MBD5: variants seen among roughly 807,000 people sequenced by gnomAD.
MBD5 encodes the protein methyl-CpG-binding domain protein 5.
In MBD5, 13 loss-of-function variants were observed where a neutral mutation model predicts 117.3. The observed-to-expected ratio is 0.11, with a 90% CI of 0.07 to 0.18. MBD5 has a LOEUF of 0.18. MBD5 is among the 10% of genes least tolerant of loss of function. MBD5 has a pLI of 1.00. For missense variants in MBD5, 1,879 were observed against 2,093.8 expected (o/e 0.90, Z 2.00); for synonymous variants, 727 against 766.4 (o/e 0.95, Z 0.85).
intron 2 of MBD5, among the ~76,000 whole-genome samples, chr2:148,226,042 C>G (rs970263109): frequency 7.2e-5 from 11 of 151,880 alleles, no homozygotes; most frequent in African/African-American, 2.4e-4. Flanking sequence ...AAACTTTCTG[C>G]CTCTATCTCT....
At position 148,502,436 on chromosome 2, in the gene MBD5, G is replaced by A. The variant is rs957554797; in HGVS notation, c.4963G>A (p.Val1655Met). 8 of 1,613,948 alleles carry A rather than the reference G, an allele frequency of 5.0e-6. No individual in the cohort carries two copies. The highest frequency in any genetic ancestry group is 6.8e-6 in the Non-Finnish European group (8 of 1,179,966). The part of the protein sequence containing the change: ...SCQQSPEEGK[V>M]EPEKLKTLTE... Reference sequence around the variant, plus strand: ...GTTTGGTCTTCATACCTTCACTCAGGTGGAGCCCGAGAAGTTGAAGACACT... The same window carrying A: ...GTTTGGTCTTCATACCTTCACTCAGATGGAGCCCGAGAAGTTGAAGACACT... The change falls in exon 12 of 14, where the codon GTG becomes ATG. Residue 1655 changes from valine to methionine, a missense_variant and splice_region_variant. Coordinates refer to ENST00000642680, the MANE Select transcript of MBD5 (RefSeq NM_001378120.1).
At chr2:148,119,373 TGA>T (rs1696712244) in intron 1 of MBD5, among the ~76,000 whole-genome samples, 1 of 152,192 alleles carries the variant, frequency 6.6e-6, no homozygotes, top group African/African-American at 2.4e-5. Flanking sequence ...TTTTTATTAC[TGA>T]GTTTTAAGTG....
In MBD5 at chr2:148,043,780, A is replaced by G. The variant is rs558177863; in HGVS notation, c.-925+22096A>G. Reference sequence around the variant, plus strand: ...AGGAAATAAGTCATTAGAAATACATATTTTAGATCCTGGGTCTGTCAGTAC... The same window carrying G: ...AGGAAATAAGTCATTAGAAATACATGTTTTAGATCCTGGGTCTGTCAGTAC... On this transcript the variant is annotated intron_variant, in intron 1 of 13. Coordinates refer to ENST00000642680, the MANE Select transcript of MBD5 (RefSeq NM_001378120.1). Among the ~76,000 whole-genome samples, 11 of 152,324 alleles carry G rather than the reference A, an allele frequency of 7.2e-5. 1 individual carries two copies. The South Asian group carries it at 2.3e-3, about 32-fold the overall frequency.
At chr2:148,191,010 A>T (rs1698812738) in intron 2 of MBD5, among the ~76,000 whole-genome samples, 1 of 150,184 alleles carries the variant, frequency 6.7e-6, no homozygotes, top group African/African-American at 2.5e-5. Flanking sequence ...AAGACAAAGA[A>T]GGCCATTACA....
intron 1 of MBD5, among the ~76,000 whole-genome samples, chr2:148,038,470 G>T (rs1324380389): frequency 7.1e-6 from 1 of 140,432 alleles, no homozygotes. Flanking sequence ...AAAGAAGGTT[G>T]TTTTCTTTAA....
intron 4 of MBD5, among the ~76,000 whole-genome samples, chr2:148,434,295 C>T (rs1220770264): frequency 6.6e-6 from 1 of 151,954 alleles, no homozygotes; most frequent in Non-Finnish European, 1.5e-5. Flanking sequence ...ACTGTTCTAC[C>T]TATCCTATTA....
intron 3 of MBD5, among the ~76,000 whole-genome samples, chr2:148,297,099 G>A (rs1375473352): frequency 6.6e-6 from 1 of 151,756 alleles, no homozygotes; most frequent in African/African-American, 2.4e-5. Flanking sequence ...TGGCCAGGCT[G>A]GTCTGGAACT....
chr2:148,116,970 C>G (rs1696654823), intron 1 of MBD5, among the ~76,000 whole-genome samples: 1 of 152,082 alleles, frequency 6.6e-6, no homozygotes, highest in Non-Finnish European at 1.5e-5. Flanking sequence ...AAGTTCATTC[C>G]TTTTCTATAC....
intron 1 of MBD5, among the ~76,000 whole-genome samples, chr2:148,032,616 C>G (rs1368390731): frequency 6.6e-6 from 1 of 152,000 alleles, no homozygotes; most frequent in African/African-American, 2.4e-5. Context: ...TATGTAGGAG[C>G]CAAACTGCAG....
At chr2:148,258,272 AACAC>A in intron 3 of MBD5, among the ~76,000 whole-genome samples, 1 of 152,310 alleles carries the variant, frequency 6.6e-6, no homozygotes, top group African/African-American at 2.4e-5. Flanking sequence ...GTATGGGAGA[AACAC>A]ACACAGTATA....
At chr2:148,111,820 A>G (rs1465310611) in intron 1 of MBD5, among the ~76,000 whole-genome samples, 1 of 152,174 alleles carries the variant, frequency 6.6e-6, no homozygotes, top group African/African-American at 2.4e-5. Context: ...GATAGTTCCA[A>G]ACCCTATATA....
At chr2:148,170,666 A>G (rs1167154341) in intron 1 of MBD5, among the ~76,000 whole-genome samples, 1 of 152,238 alleles carries the variant, frequency 6.6e-6, no homozygotes, top group Non-Finnish European at 1.5e-5. Flanking sequence ...TACTAATACT[A>G]TGAAAACAAT....
chr2:148,301,926 C>A (rs139546351), intron 3 of MBD5, among the ~76,000 whole-genome samples: 164 of 152,238 alleles, frequency 1.1e-3, no homozygotes, highest in African/African-American at 3.4e-3. Flanking sequence ...TATTGGGAGA[C>A]TGCCTTTCCC....
chr2:148,449,206 C>T (rs1397523123), intron 4 of MBD5, among the ~76,000 whole-genome samples: 1 of 152,024 alleles, frequency 6.6e-6, no homozygotes, highest in Non-Finnish European at 1.5e-5. Flanking sequence ...TAATTGTTCA[C>T]TTTTTTGGCT....
intron 4 of MBD5, among the ~76,000 whole-genome samples, chr2:148,382,985 T>C (rs1704204142): frequency 6.6e-6 from 1 of 151,366 alleles, no homozygotes; most frequent in Non-Finnish European, 1.5e-5. Context: ...TAGCACTAAA[T>C]GCCCACAAGA....
At chr2:148,041,854 C>T (rs1236726164) in intron 1 of MBD5, among the ~76,000 whole-genome samples, 1 of 152,106 alleles carries the variant, frequency 6.6e-6, no homozygotes, top group African/African-American at 2.4e-5. Context: ...TTAAGGGGAA[C>T]AAACTTTCTT....
chr2:148,296,009 T>TA (rs1374691856), intron 3 of MBD5: 1 of 163,528 alleles, frequency 6.1e-6, no homozygotes, highest in Non-Finnish European at 1.3e-5. Flanking sequence ...TCTGTGTTGC[T>TA]AAAAACCCTT....
chr2:148,271,624 C>T (rs992629530), intron 3 of MBD5, among the ~76,000 whole-genome samples: 4 of 151,828 alleles, frequency 2.6e-5, no homozygotes, highest in Middle Eastern at 3.2e-3. Flanking sequence ...CTCTAATTTC[C>T]GTCGGTATGC....
At chr2:148,429,091 A>G (rs925295422) in intron 4 of MBD5, among the ~76,000 whole-genome samples, 6 of 152,190 alleles carry the variant, frequency 3.9e-5, no homozygotes, top group Non-Finnish European at 8.8e-5. Context: ...TTTGCAATCT[A>G]TTGATCTCAC....
Sources: gnomAD v4.1 joint callset for allele counts (sites outside exome capture counted in the v4.1 genomes callset) on GRCh38, gnomAD v4.1.1 for gene constraint, MANE v1.5 for transcripts, NCBI Gene and HGNC (gene_info 2026-07-23, HGNC 2026-07-21) for gene names.